The following TMEM164 variants were observed in gnomAD, a reference collection of about 807,000 sequenced individuals.
TMEM164 encodes RP13-360B22.2.
Under a neutral mutation model 18.8 loss-of-function variants are expected in TMEM164, and 4 were observed. That is an observed-to-expected ratio of 0.21 (90% CI 0.10 to 0.49). The LOEUF is 0.49. TMEM164 is among the 20% of genes least tolerant of loss of function. TMEM164 has a pLI of 0.98. For synonymous variants in TMEM164, 86 were observed against 101.7 expected, an observed-to-expected ratio of 0.85 and a Z score of 0.93; for missense variants, 108 against 239.9, an observed-to-expected ratio of 0.45 and a Z score of 3.63.
At chrX:110,110,423 C>A (rs186410661) in intron 4 of TMEM164, among the ~76,000 whole-genome samples, 2 of 111,912 alleles carry the variant, frequency 1.8e-5, no homozygotes, top group African/African-American at 6.5e-5. Flanking sequence ...CTTATAAGTA[C>A]CCACAATTAT....
chrX:110,087,799 A>T (rs775446965), intron 3 of TMEM164, among the ~76,000 whole-genome samples: 2 of 111,858 alleles, frequency 1.8e-5, no homozygotes, highest in East Asian at 5.6e-4. Context: ...AAAGGAGTGG[A>T]TCTGTGATGC....
intron 2 of TMEM164, among the ~76,000 whole-genome samples, chrX:110,026,904 C>G (rs1050095396): frequency 1.8e-5 from 2 of 112,167 alleles, no homozygotes; most frequent in African/African-American, 6.5e-5. Flanking sequence ...TTGCTAAATG[C>G]TTTTAAGTTA....
intron 5 of TMEM164, 66 bp downstream of exon 5, chrX:110,144,942 G>GT: frequency 1.1e-6 from 1 of 898,075 alleles, no homozygotes; most frequent in East Asian, 3.2e-5. Flanking sequence ...GTTTTTGGGA[G>GT]TCACAGCCTC....
At chrX:110,013,038 G>A (rs188629858) in intron 2 of TMEM164, among the ~76,000 whole-genome samples, 3 of 112,152 alleles carry the variant, frequency 2.7e-5, no homozygotes. Flanking sequence ...GTGGCCATGT[G>A]TTTAGGTGGG....
intron 6 of TMEM164, among the ~76,000 whole-genome samples, chrX:110,172,386 C>T (rs890267728): frequency 3.6e-5 from 4 of 111,974 alleles, no homozygotes; most frequent in Admixed American, 9.4e-5. Flanking sequence ...TGTGGAGCCT[C>T]GCGTGACCTA....
At chrX:110,025,291 A>G (rs1408503532) in intron 2 of TMEM164, among the ~76,000 whole-genome samples, 1 of 111,984 alleles carries the variant, frequency 8.9e-6, no homozygotes, top group Non-Finnish European at 1.9e-5. Flanking sequence ...TGCTACACAA[A>G]TGTTAAGCAT....
chrX:110,154,066 C>G (rs974188103), intron 5 of TMEM164, among the ~76,000 whole-genome samples: 2 of 111,412 alleles, frequency 1.8e-5, no homozygotes, highest in African/African-American at 6.5e-5. Context: ...GGAGGGCCGA[C>G]TTTGTGGTAT....
chrX:110,056,157 C>T (rs773462308), intron 2 of TMEM164, among the ~76,000 whole-genome samples: 10 of 110,898 alleles, frequency 9.0e-5, no homozygotes, highest in East Asian at 2.8e-4. Flanking sequence ...TAACTCCATA[C>T]GATTTAGCTC....
At chrX:110,071,122 A>G (rs1309666873) in intron 3 of TMEM164, among the ~76,000 whole-genome samples, 1 of 109,019 alleles carries the variant, frequency 9.2e-6, no homozygotes, top group Non-Finnish European at 1.9e-5. Context: ...ATACTTAAGT[A>G]GTTTTTACAT....
intron 4 of TMEM164, among the ~76,000 whole-genome samples, chrX:110,140,998 G>A (rs1445180836): frequency 9.0e-6 from 1 of 111,648 alleles, no homozygotes; most frequent in Non-Finnish European, 1.9e-5. Flanking sequence ...TGTCTTAGCT[G>A]GGCATCATGG....
intron 5 of TMEM164, among the ~76,000 whole-genome samples, chrX:110,147,087 G>C (rs1430758295): frequency 1.8e-5 from 2 of 111,513 alleles, no homozygotes; most frequent in Non-Finnish European, 3.8e-5. Context: ...TGGGTGGGTA[G>C]GTGGCGCCTT....
At chrX:110,077,563 A>G (rs1305124687) in intron 3 of TMEM164, among the ~76,000 whole-genome samples, 1 of 111,938 alleles carries the variant, frequency 8.9e-6, no homozygotes, top group African/African-American at 3.2e-5. Context: ...TGGGCTGTGT[A>G]CTAAAATGTG....
intron 3 of TMEM164, among the ~76,000 whole-genome samples, 196 bp downstream of exon 3, chrX:110,067,592 C>T (rs1401716706): frequency 1.8e-5 from 2 of 112,046 alleles, no homozygotes; most frequent in East Asian, 5.6e-4. Context: ...TTTGTCAAGC[C>T]GTCAAATCCT....
At chrX:110,128,508 G>C (rs2066567108) in intron 4 of TMEM164, among the ~76,000 whole-genome samples, 1 of 111,762 alleles carries the variant, frequency 8.9e-6, no homozygotes, top group African/African-American at 3.3e-5. Flanking sequence ...ATATGTTTCA[G>C]TATTGATTTG....
chrX:110,084,955 G>A (rs956676671), intron 3 of TMEM164, among the ~76,000 whole-genome samples: 13 of 110,378 alleles, frequency 1.2e-4, no homozygotes, highest in African/African-American at 4.3e-4. Context: ...ACCCTAGGTT[G>A]TCTTTCCTTC....
At chrX:110,060,266 G>GAAAAAAAAAAAAA (rs140796343) in intron 2 of TMEM164, among the ~76,000 whole-genome samples, 1 of 51,499 alleles carries the variant, frequency 1.9e-5, no homozygotes. Context: ...GACCCTGTCT[G>GAAAAAAAAAAAAA]AAAAAAAAAA....
chrX:110,070,723 C>T (rs1320483773), intron 3 of TMEM164, among the ~76,000 whole-genome samples: 2 of 109,053 alleles, frequency 1.8e-5, no homozygotes, highest in African/African-American at 6.7e-5. Flanking sequence ...CGTCTCTAAC[C>T]CCCCACCAAA....
chrX:110,135,401 T>A (rs971452336), intron 4 of TMEM164, among the ~76,000 whole-genome samples: 54 of 111,988 alleles, frequency 4.8e-4, no homozygotes, highest in African/African-American at 1.7e-3. Context: ...GTTGCTTTTT[T>A]AAATTACAAA....
At chrX:110,022,279 G>A (rs975589993) in intron 2 of TMEM164, among the ~76,000 whole-genome samples, 4 of 110,770 alleles carry the variant, frequency 3.6e-5, no homozygotes, top group African/African-American at 1.3e-4. Context: ...CCTTGGGAGT[G>A]GACTGCTTGT....
Sources: allele counts gnomAD v4.1 joint callset (sites outside exome capture counted in the v4.1 genomes callset), GRCh38; gene constraint gnomAD v4.1.1; transcripts MANE v1.5; gene names NCBI Gene and HGNC (gene_info 2026-07-23, HGNC 2026-07-21).